Variants in SSBP2 observed in about 807,000 individuals in gnomAD.
SSBP2 encodes single-stranded DNA-binding protein 2.
In SSBP2, 17 loss-of-function variants were observed where a neutral mutation model predicts 61.8. The observed-to-expected ratio is 0.28, with a 90% CI of 0.19 to 0.41. SSBP2 has a LOEUF of 0.41. Among genes scored for constraint, SSBP2 ranks in the 10% least tolerant of loss-of-function variants. The pLI, the probability that SSBP2 is intolerant of heterozygous loss-of-function variation, is 1.00. For missense variants in SSBP2, 310 were observed against 458.7 expected, an observed-to-expected ratio of 0.68 and a Z score of 2.96; for synonymous variants, 139 against 141.3, an observed-to-expected ratio of 0.98 and a Z score of 0.12.
chr5:81,625,872 G>A (rs1747093092), intron 3 of SSBP2, among the ~76,000 whole-genome samples: 1 of 152,088 alleles, frequency 6.6e-6, no homozygotes, highest in African/African-American at 2.4e-5. Context: ...CCAGATCTAG[G>A]ACTACCCGAC....
chr5:81,547,171 C>T (rs1477634025), intron 4 of SSBP2, among the ~76,000 whole-genome samples: 4 of 151,634 alleles, frequency 2.6e-5, no homozygotes, highest in Non-Finnish European at 4.4e-5. Context: ...AAATGCAAAA[C>T]GGCGCAGCCA....
At chr5:81,684,037 T>C (rs1752592563) in intron 1 of SSBP2, among the ~76,000 whole-genome samples, 1 of 152,198 alleles carries the variant, frequency 6.6e-6, no homozygotes, top group African/African-American at 2.4e-5. Context: ...GGAGGACAAT[T>C]TGGTAGCTTC....
chr5:81,480,130 T>C (rs556348461), intron 6 of SSBP2, among the ~76,000 whole-genome samples: 5 of 152,156 alleles, frequency 3.3e-5, no homozygotes, highest in Admixed American at 6.5e-5. Flanking sequence ...ATAAATGAAA[T>C]AGTATAAAAA....
intron 1 of SSBP2, among the ~76,000 whole-genome samples, chr5:81,676,539 A>G (rs1752000850): frequency 6.6e-6 from 1 of 152,142 alleles, no homozygotes; most frequent in South Asian, 2.1e-4. Flanking sequence ...CCCCAAATGA[A>G]CAGCATCGTT....
At chr5:81,443,416 A>C (rs1433440846) in intron 12 of SSBP2, 1 of 152,198 alleles carries the variant, frequency 6.6e-6, no homozygotes, top group Non-Finnish European at 1.5e-5. Context: ...AATTCTAATT[A>C]AGTCTCTGAG....
Position 81,437,327 on chromosome 5 carries a change from T to A in SSBP2, c.957+103A>T, listed in dbSNP as rs184472015. ...TATACCTGGTCTTCTACTTTCAAACTCTTGTTCAAGAACAAAATTCGTAAA... is the reference window on the plus strand; with the variant it reads ...TATACCTGGTCTTCTACTTTCAAACACTTGTTCAAGAACAAAATTCGTAAA... On this transcript the variant is annotated intron_variant, in intron 15 of 16. Coordinates refer to ENST00000320672, the MANE Select transcript of SSBP2 (RefSeq NM_012446.5). The A allele has an allele frequency of 7.8e-3, 8,620 of 1,099,908 alleles. 42 individuals carry two copies. The highest frequency in any genetic ancestry group is 9.6e-3 in the Non-Finnish European group (7,154 of 741,914). 68.1% of individuals were successfully genotyped at this position (1,099,908 alleles called of 1,614,324 possible). A position where few individuals can be genotyped will look rare whatever the true frequency, so the allele number is the denominator to read the frequency against.
rs113425308 is a variant in SSBP2, at chr5:81,582,715, T to A, written c.282+32758A>T. Among the ~76,000 whole-genome samples, 747 of 152,230 alleles carry A rather than the reference T, an allele frequency of 4.9e-3. 9 individuals are homozygous for A. Among genetic ancestry groups the A allele is most frequent in the African/African-American group, 0.015 (630 of 41,548 alleles). ...TTCAAGCAATTTTCTTGCCTCTGCC[T>A]CCCGAGTAGCTGGGATTACAGGCGT... On this transcript the variant is annotated intron_variant, in intron 4 of 16. Transcript: ENST00000320672.
At chr5:81,596,260 A>C (rs1184859734) in intron 4 of SSBP2, among the ~76,000 whole-genome samples, 1 of 151,266 alleles carries the variant, frequency 6.6e-6, no homozygotes, top group Non-Finnish European at 1.5e-5. Flanking sequence ...AGAATAAAAT[A>C]CCTAGGAATC....
chr5:81,674,813 C>T (rs984157927), intron 1 of SSBP2, among the ~76,000 whole-genome samples: 1 of 152,106 alleles, frequency 6.6e-6, no homozygotes, highest in African/African-American at 2.4e-5. Flanking sequence ...TGGTACTAAA[C>T]CAGACTACTA....
intron 3 of SSBP2, among the ~76,000 whole-genome samples, chr5:81,622,199 T>C (rs1331163065): frequency 6.6e-6 from 1 of 151,372 alleles, no homozygotes; most frequent in Admixed American, 6.6e-5. Flanking sequence ...TGAAGCAGAC[T>C]GGGGGGGAAA....
chr5:81,473,990 A>T (rs1765426530), intron 7 of SSBP2, among the ~76,000 whole-genome samples: 1 of 152,188 alleles, frequency 6.6e-6, no homozygotes. Context: ...TTCTGTGGTG[A>T]ATTAATTCTC....
chr5:81,696,947 A>G (rs947149768), intron 1 of SSBP2, among the ~76,000 whole-genome samples: 7 of 152,212 alleles, frequency 4.6e-5, no homozygotes, highest in Admixed American at 3.9e-4. Context: ...GAGGTTGGGC[A>G]CAGGGAGAAG....
chr5:81,481,348 G>A (rs923496557), intron 6 of SSBP2, among the ~76,000 whole-genome samples: 3 of 152,134 alleles, frequency 2.0e-5, no homozygotes, highest in African/African-American at 4.8e-5. Flanking sequence ...CTGGACGGGT[G>A]CAGTGGCTCA....
intron 1 of SSBP2, among the ~76,000 whole-genome samples, chr5:81,750,475 A>AG (rs1276583294): frequency 7.1e-6 from 1 of 141,196 alleles, no homozygotes; most frequent in East Asian, 2.1e-4. Context: ...CGCGGCCCTA[A>AG]GCCCCAGCGC....
intron 1 of SSBP2, among the ~76,000 whole-genome samples, chr5:81,669,264 GAC>G (rs1303822546): frequency 6.6e-6 from 1 of 152,140 alleles, no homozygotes; most frequent in African/African-American, 2.4e-5. Context: ...CACTTTGGAA[GAC>G]AGTTTGGCAA....
rs929018497 is a variant in SSBP2, at chr5:81,618,007, T to G, written c.198-2450A>C. ...CAGCTGCTGCAAAATCATGCCAAAA[T>G]GTAAAGACCATCGAGACTAGGAAGA... On this transcript the variant is annotated intron_variant, in intron 3 of 16. Transcript: ENST00000320672. Among the ~76,000 whole-genome samples, 7 of 128,728 alleles carry G rather than the reference T, an allele frequency of 5.4e-5. 1 individual carries two copies. Among genetic ancestry groups the G allele is most frequent in the African/African-American group, 2.0e-4 (7 of 35,124 alleles). 84.5% of individuals were successfully genotyped at this position (128,728 alleles called of 152,430 possible).
rs959532084 is a variant in SSBP2, at chr5:81,513,801, G to A, written c.283-84C>T. On this transcript the variant is annotated intron_variant, in intron 4 of 16. Coordinates refer to ENST00000320672, the MANE Select transcript of SSBP2 (RefSeq NM_012446.5). ...GACTAATGATAATAGATTGCAGGAC[G>A]GGATGCTCTTTCATGCCTGGGAACA... 7.3e-6 allele frequency: 6 copies of A among 825,394 alleles called. No homozygotes were observed. The South Asian group carries it at 8.0e-5, about 11-fold the overall frequency. 51.1% of individuals were successfully genotyped at this position (825,394 alleles called of 1,614,324 possible). A position where few individuals can be genotyped will look rare whatever the true frequency, so the allele number is the denominator to read the frequency against.
rs1761344315 is a variant in SSBP2, at chr5:81,417,220, C to T, written c.*3284G>A. 1 of 152,190 alleles carries T rather than the reference C, an allele frequency of 6.6e-6. No homozygotes were observed. The highest frequency in any genetic ancestry group is 6.5e-5 in the Admixed American group (1 of 15,276). The allele number at this position is 152,190 out of a possible 1,614,324, so 9.4% of individuals were successfully genotyped here. A position where few individuals can be genotyped will look rare whatever the true frequency, so the allele number is the denominator to read the frequency against. On this transcript the variant is annotated 3_prime_UTR_variant, in exon 17 of 17. Transcript: ENST00000320672. ...GAACTTCCTCTTTATCAGCAACTGACTCCATACTGGAACATTTTCAAAGGA... is the reference window on the plus strand; with the variant it reads ...GAACTTCCTCTTTATCAGCAACTGATTCCATACTGGAACATTTTCAAAGGA...
chr5:81,526,351 T>C (rs563604980), intron 4 of SSBP2, among the ~76,000 whole-genome samples: 1 of 152,154 alleles, frequency 6.6e-6, no homozygotes, highest in South Asian at 2.1e-4. Flanking sequence ...TTTAAATTAT[T>C]TCACTATCTC....
Sources: allele counts gnomAD v4.1 joint callset (sites outside exome capture counted in the v4.1 genomes callset), GRCh38; gene constraint gnomAD v4.1.1; transcripts MANE v1.5; gene names NCBI Gene and HGNC (gene_info 2026-07-23, HGNC 2026-07-21).